The following CSMD3 variants were observed in gnomAD, a reference collection of about 807,000 sequenced individuals.
The protein encoded by CSMD3 is CUB and Sushi multiple domains 3, also known as CUB and sushi domain-containing protein 3.
A neutral mutation model predicts 435.2 loss-of-function variants in CSMD3; 177 were observed. That is an observed-to-expected ratio of 0.41 (90% CI 0.36 to 0.46). CSMD3 has a LOEUF of 0.46. Ranked by LOEUF, CSMD3 falls within the 20% of genes least tolerant of loss-of-function variation. The pLI is 0.34. For missense variants in CSMD3, 4,265 were observed against 4,504.6 expected (o/e 0.95, Z 1.52); for synonymous variants, 1,656 against 1,520.5 (o/e 1.09, Z -2.07).
At chr8:113,258,049 A>G (rs1247988886) in intron 3 of CSMD3, among the ~76,000 whole-genome samples, 2 of 152,208 alleles carry the variant, frequency 1.3e-5, no homozygotes, top group African/African-American at 4.8e-5. Flanking sequence ...GTACACTATT[A>G]TCTGTAAGTC....
intron 31 of CSMD3, among the ~76,000 whole-genome samples, chr8:112,482,872 A>T (rs796702416): frequency 3.9e-5 from 6 of 152,320 alleles, no homozygotes; most frequent in African/African-American, 1.4e-4. Flanking sequence ...CTTTTAGGAC[A>T]GTAAATGCAG....
chr8:113,044,423 T>TA (rs2087747951), intron 5 of CSMD3, among the ~76,000 whole-genome samples: 1 of 149,006 alleles, frequency 6.7e-6, no homozygotes, highest in Non-Finnish European at 1.5e-5. Flanking sequence ...TAAAGATTGT[T>TA]AAACATTTTT....
At chr8:113,401,960 T>C (rs1279355402) in intron 1 of CSMD3, among the ~76,000 whole-genome samples, 1 of 151,560 alleles carries the variant, frequency 6.6e-6, no homozygotes, top group East Asian at 1.9e-4. Flanking sequence ...TATTCCATGA[T>C]GTTCACACAA....
chr8:113,315,881 G>T (rs973211718), intron 1 of CSMD3, among the ~76,000 whole-genome samples: 3 of 151,708 alleles, frequency 2.0e-5, no homozygotes, highest in African/African-American at 7.3e-5. Flanking sequence ...ACCACGCCCG[G>T]CTAATTTTTG....
At chr8:112,755,260 A>G (rs1247070829) in intron 13 of CSMD3, among the ~76,000 whole-genome samples, 1 of 151,684 alleles carries the variant, frequency 6.6e-6, no homozygotes, top group Admixed American at 6.6e-5. Context: ...GAACCCGGGA[A>G]GCGGAGCTTG....
At chr8:112,569,259 C>T (rs1049500534) in intron 24 of CSMD3, among the ~76,000 whole-genome samples, 1 of 152,104 alleles carries the variant, frequency 6.6e-6, no homozygotes, top group Non-Finnish European at 1.5e-5. Flanking sequence ...AGTGAACCCT[C>T]TAGGCATGCC....
intron 27 of CSMD3, among the ~76,000 whole-genome samples, chr8:112,531,947 T>A (rs189533639): frequency 4.5e-4 from 68 of 152,084 alleles, no homozygotes; most frequent in African/African-American, 1.6e-3. Flanking sequence ...AAATAGCTAA[T>A]TTGAGGAAGC....
intron 45 of CSMD3, among the ~76,000 whole-genome samples, chr8:112,331,678 T>C (rs1489842674): frequency 3.3e-5 from 5 of 151,958 alleles, no homozygotes; most frequent in African/African-American, 1.2e-4. Context: ...CCTTATAAAA[T>C]AAATATACAA....
At chr8:113,210,292 G>T (rs2092818963) in intron 3 of CSMD3, among the ~76,000 whole-genome samples, 1 of 151,958 alleles carries the variant, frequency 6.6e-6, no homozygotes, top group Non-Finnish European at 1.5e-5. Flanking sequence ...ATGAGCACTG[G>T]AATATCATAA....
rs78765372 is a variant in CSMD3, at chr8:112,680,850, A to G, written c.2677+1592T>C. ...TAAATTTGTTGTACTTTGGAAAATTACATATTAAATCTTCTCAATTTATCA... is the reference window on the plus strand; with the variant it reads ...TAAATTTGTTGTACTTTGGAAAATTGCATATTAAATCTTCTCAATTTATCA... On this transcript the variant is annotated intron_variant, in intron 16 of 70. Coordinates refer to ENST00000297405, the MANE Select transcript of CSMD3 (RefSeq NM_198123.2). 3.0e-3 allele frequency among the ~76,000 whole-genome samples: 455 copies of G among 152,320 alleles called. 4 individuals carry two copies. In the East Asian group the frequency reaches 0.034, roughly 11 times the overall value.
intron 13 of CSMD3, among the ~76,000 whole-genome samples, chr8:112,715,692 T>C (rs1416642481): frequency 2.0e-5 from 3 of 152,090 alleles, no homozygotes; most frequent in Non-Finnish European, 4.4e-5. Flanking sequence ...ACTGACAAAC[T>C]GAATCCAGCT....
chr8:112,260,094 C>T (rs1192281174), intron 61 of CSMD3, among the ~76,000 whole-genome samples: 1 of 152,048 alleles, frequency 6.6e-6, no homozygotes, highest in Non-Finnish European at 1.5e-5. Context: ...TGTCAAATGG[C>T]TTTAATTCAT....
chr8:113,244,567 G>A (rs1366055000), intron 3 of CSMD3, among the ~76,000 whole-genome samples: 1 of 152,098 alleles, frequency 6.6e-6, no homozygotes. Context: ...GCCTGCCTCA[G>A]ACTCCCAAAG....
intron 4 of CSMD3, among the ~76,000 whole-genome samples, chr8:113,105,794 T>C (rs956979894): frequency 1.3e-5 from 2 of 151,992 alleles, no homozygotes; most frequent in Non-Finnish European, 2.9e-5. Context: ...TTTTAATACA[T>C]ACATACTAGA....
chr8:112,868,932 T>A (rs554558915), intron 10 of CSMD3, among the ~76,000 whole-genome samples: 7 of 144,256 alleles, frequency 4.9e-5, no homozygotes, highest in Non-Finnish European at 1.1e-4. Context: ...AGGAAAAAAA[T>A]CTCCTTGACA....
At chr8:112,747,569 T>A (rs1326162292) in intron 13 of CSMD3, among the ~76,000 whole-genome samples, 1 of 152,198 alleles carries the variant, frequency 6.6e-6, no homozygotes, top group Non-Finnish European at 1.5e-5. Flanking sequence ...AGTTTTTTTA[T>A]CTTAGTTCTG....
intron 18 of CSMD3, among the ~76,000 whole-genome samples, chr8:112,654,988 C>T (rs1361473075): frequency 6.6e-6 from 1 of 152,044 alleles, no homozygotes; most frequent in African/African-American, 2.4e-5. Context: ...TTTGAACCCC[C>T]AAGTATGTGT....
intron 4 of CSMD3, among the ~76,000 whole-genome samples, chr8:113,099,906 T>C (rs1027544019): frequency 6.6e-5 from 10 of 152,130 alleles, no homozygotes; most frequent in Non-Finnish European, 1.2e-4. Flanking sequence ...CTTATGTTAT[T>C]GCCTTGGCCA....
At chr8:112,835,850 T>G (rs1427383904) in intron 11 of CSMD3, among the ~76,000 whole-genome samples, 1 of 151,830 alleles carries the variant, frequency 6.6e-6, no homozygotes, top group East Asian at 1.9e-4. Context: ...AAATGGATTC[T>G]ATTACATTCC....
Sources: gnomAD v4.1 joint callset for allele counts (sites outside exome capture counted in the v4.1 genomes callset) on GRCh38, gnomAD v4.1.1 for gene constraint, MANE v1.5 for transcripts, NCBI Gene and HGNC (gene_info 2026-07-23, HGNC 2026-07-21) for gene names.